CRAMP1: variants seen among roughly 807,000 people sequenced by gnomAD.
The protein encoded by CRAMP1 is cramped chromatin regulator 1.
CRAMP1 carries 50 observed loss-of-function variants against 115.4 expected under a neutral mutation model. The ratio of observed to expected loss-of-function variants is 0.43; its 90% CI spans 0.35 to 0.55. The LOEUF is 0.55. Ranked by LOEUF, CRAMP1 falls within the 20% of genes least tolerant of loss-of-function variation. The pLI, the probability that CRAMP1 is intolerant of heterozygous loss-of-function variation, is 0.01. For missense variants in CRAMP1, 1,679 were observed against 1,721.7 expected (o/e 0.98, Z 0.44); for synonymous variants, 866 against 745.4 (o/e 1.16, Z -2.64).
At position 1,623,062 on chromosome 16, in the gene CRAMP1, A is replaced by C. The variant is rs377424233; in HGVS notation, c.347-2911A>C. On this transcript the variant is annotated intron_variant, in intron 2 of 20. Transcript: ENST00000397412. Reference sequence around the variant, plus strand: ...CAGGCGCCCACCACCACGCCCGGTTAATTTTTGTATTTTTAGTAGAGACAG... The same window carrying C: ...CAGGCGCCCACCACCACGCCCGGTTCATTTTTGTATTTTTAGTAGAGACAG... Among the ~76,000 whole-genome samples the C allele has an allele frequency of 1.6e-4, 25 of 151,980 alleles. 1 individual carries two copies. In the East Asian group the frequency reaches 4.5e-3, roughly 27 times the overall value.
At position 1,637,810 on chromosome 16, in the gene CRAMP1, CTT is replaced by C. The variant is rs2142183026; in HGVS notation, c.695-13_695-12del. On this transcript the variant is annotated splice_polypyrimidine_tract_variant and intron_variant, in intron 4 of 20. Coordinates refer to ENST00000397412, the MANE Select transcript of CRAMP1 (RefSeq NM_020825.4). ...GTTCCCCTCTCTAAAGCCGCCTTCT[CTT>C]CTGTTTCTCAGTGTTCTCTCGAGGC... is the stretch of plus-strand genomic sequence containing the variant. The C allele has an allele frequency of 6.8e-7, 1 of 1,461,594 alleles. No individual in the cohort carries two copies. Among genetic ancestry groups the C allele is most frequent in the East Asian group, 2.5e-5 (1 of 39,282 alleles). The allele number at this position is 1,461,594 out of a possible 1,614,324, so 90.5% of individuals were successfully genotyped here.
chr16:1,657,612 T>G (rs1304431536), intron 10 of CRAMP1, among the ~76,000 whole-genome samples: 1 of 152,142 alleles, frequency 6.6e-6, no homozygotes, highest in African/African-American at 2.4e-5. Context: ...CGCAGCAGAA[T>G]AGTGGAGCTG....
chr16:1,614,653 TG>T lies in CRAMP1; in HGVS notation c.17del (p.Gly6AlafsTer141). 1 of 1,279,800 alleles carries T rather than the reference TG, an allele frequency of 7.8e-7. No homozygotes were observed. The allele number at this position is 1,279,800 out of a possible 1,614,324, so 79.3% of individuals were successfully genotyped here. A position where few individuals can be genotyped will look rare whatever the true frequency, so the allele number is the denominator to read the frequency against. MTVK[L>X]GDGGSGEDGL... ...CCCGGCCGCAGGATGACAGTGAAGTTGGGCGACGGCGGCAGCGGGGAGGACG... is the reference window on the plus strand; with the variant it reads ...CCCGGCCGCAGGATGACAGTGAAGTTGGCGACGGCGGCAGCGGGGAGGACG... On this transcript the variant is annotated frameshift_variant, in exon 2 of 21. Coordinates refer to ENST00000397412, the MANE Select transcript of CRAMP1 (RefSeq NM_020825.4). LOFTEE classifies it high-confidence loss of function. This position sits in a 1 kb window ranked among gnomAD's most constrained non-coding sequence, Gnocchi z 4.4.
rs544240921 is a variant in CRAMP1, at chr16:1,671,453, T to C, written c.3645+644T>C. On this transcript the variant is annotated intron_variant, in intron 20 of 20. Transcript: ENST00000397412. This position sits in a 1 kb window ranked among gnomAD's most constrained non-coding sequence, Gnocchi z 5.0. ...CCATCTGGTTGTAGCCCTCAAGGCGTCCACCACATGGTTTGTGTGGCATTC... is the reference window on the plus strand; with the variant it reads ...CCATCTGGTTGTAGCCCTCAAGGCGCCCACCACATGGTTTGTGTGGCATTC... Among the ~76,000 whole-genome samples the C allele has an allele frequency of 2.0e-4, 30 of 152,338 alleles. No individual in the cohort carries two copies. The highest frequency in any genetic ancestry group is 6.5e-4 in the Admixed American group (10 of 15,308).
intron 17 of CRAMP1, among the ~76,000 whole-genome samples, 178 bp downstream of exon 17, chr16:1,667,578 C>T (rs1046761240): frequency 6.6e-6 from 1 of 152,172 alleles, no homozygotes; most frequent in Non-Finnish European, 1.5e-5. Context: ...ATATGGCTGT[C>T]CGCCACCTCA....
In CRAMP1 at chr16:1,669,207, G is replaced by T. The variant is rs759503869; in HGVS notation, c.3499+42G>T. 11 of 1,481,214 alleles carry T rather than the reference G, an allele frequency of 7.4e-6. No homozygotes were observed. Among genetic ancestry groups the T allele is most frequent in the Admixed American group, 4.8e-5 (2 of 42,048 alleles). 91.8% of individuals were successfully genotyped at this position (1,481,214 alleles called of 1,614,324 possible). On this transcript the variant is annotated intron_variant, in intron 19 of 20. Coordinates refer to ENST00000397412, the MANE Select transcript of CRAMP1 (RefSeq NM_020825.4). This position sits in a 1 kb window ranked among gnomAD's most constrained non-coding sequence, Gnocchi z 4.6. ...GGCTCCCATCTCCTTTTCCAGGGCA[G>T]CAGGGGCTGGGGTCTGCGGGACACT... is the stretch of plus-strand genomic sequence containing the variant.
At chr16:1,616,857 C>T (rs2036424713) in intron 2 of CRAMP1, among the ~76,000 whole-genome samples, 1 of 151,760 alleles carries the variant, frequency 6.6e-6, no homozygotes, top group African/African-American at 2.4e-5. Flanking sequence ...CTCTGTCACC[C>T]AGGCTGGAGT....
chr16:1,634,037 A>G (rs1596485795), intron 4 of CRAMP1, among the ~76,000 whole-genome samples: 1 of 152,118 alleles, frequency 6.6e-6, no homozygotes, highest in Non-Finnish European at 1.5e-5. Context: ...AAAAAAAAAA[A>G]AAGAAAGAAA....
At chr16:1,612,861 C>A (rs1438868784) in intron 1 of CRAMP1, among the ~76,000 whole-genome samples, 1 of 152,092 alleles carries the variant, frequency 6.6e-6, no homozygotes, top group African/African-American at 2.4e-5. Flanking sequence ...GACTGCGCCT[C>A]CGAGAAAAGT....
chr16:1,637,998 C>CT lies in CRAMP1; in HGVS notation c.778+92dup, dbSNP rs1413772394. 2.0e-5 allele frequency: 12 copies of CT among 585,656 alleles called. No homozygotes were observed. In the East Asian group the frequency reaches 3.1e-4, roughly 15 times the overall value. The allele number at this position is 585,656 out of a possible 1,614,324, so 36.3% of individuals were successfully genotyped here. A position where few individuals can be genotyped will look rare whatever the true frequency, so the allele number is the denominator to read the frequency against. On this transcript the variant is annotated intron_variant, in intron 5 of 20. Transcript: ENST00000397412. The stretch of plus-strand genomic sequence containing the variant: ...GCTCAGAGTTGTTTCTAGTTTCCCT[C>CT]TAACTTTTATCTTGAAAAAATTTTA...
intron 4 of CRAMP1, among the ~76,000 whole-genome samples, chr16:1,636,335 C>T (rs1177965799): frequency 6.6e-6 from 1 of 151,126 alleles, no homozygotes; most frequent in Non-Finnish European, 1.5e-5. Context: ...CGCGTCACCG[C>T]ACTCCAGCCT....
At chr16:1,668,894 G>C (rs1323886445) in intron 18 of CRAMP1, 107 bp from the exon 19 acceptor site, 3 of 1,031,004 alleles carry the variant, frequency 2.9e-6, no homozygotes, top group Non-Finnish European at 4.4e-6. Context: ...GGTTCAGCAG[G>C]GTAGAGCCCT....
rs1246062493 is a variant in CRAMP1 at position 1,649,071 on chromosome 16, A to G, written c.828-3425A>G. ...AAGACTCCATCTAAAAAAAAAAAAA[A>G]GAAGTTTGTCTCAGTACAACATGTT... On this transcript the variant is annotated intron_variant, in intron 6 of 20. Coordinates refer to ENST00000397412, the MANE Select transcript of CRAMP1 (RefSeq NM_020825.4). 2.0e-5 allele frequency among the ~76,000 whole-genome samples: 3 copies of G among 151,960 alleles called. No individual in the cohort carries two copies. The East Asian group carries it at 5.8e-4, about 29-fold the overall frequency.
At chr16:1,661,508 C>T (rs1369682179) in intron 11 of CRAMP1, among the ~76,000 whole-genome samples, 1 of 124,920 alleles carries the variant, frequency 8.0e-6, no homozygotes, top group Non-Finnish European at 1.7e-5. Flanking sequence ...CGGAGGGGGC[C>T]GGGTGAGGGG....
At chr16:1,655,453 G>T (rs918510148) in intron 9 of CRAMP1, among the ~76,000 whole-genome samples, 153 bp downstream of exon 9, 2 of 152,218 alleles carry the variant, frequency 1.3e-5, no homozygotes, top group African/African-American at 4.8e-5. Flanking sequence ...ATAACCTGGA[G>T]CCCCTTATTC....
rs1457519003 is a variant in CRAMP1 at position 1,667,335 on chromosome 16, G to A, written c.3037G>A (p.Gly1013Ser). 3 of 1,613,052 alleles carry A rather than the reference G, an allele frequency of 1.9e-6. No homozygotes were observed. The highest frequency in any genetic ancestry group is 1.7e-5 in the Admixed American group (1 of 60,016). Reference sequence around the variant, plus strand: ...GCTCATGGGCGTGCTCTTCCTGCAGGGCTCCGACCCATTTGTCAGCATCCC... The same window carrying A: ...GCTCATGGGCGTGCTCTTCCTGCAGAGCTCCGACCCATTTGTCAGCATCCC... ...QDGDTLPTVG[G>S]SDPFVSIPSR... Residue 1013 changes from glycine (G) to serine (S), a missense_variant and splice_region_variant, in exon 17 of 21, where the codon GGC becomes AGC. Coordinates refer to ENST00000397412, the MANE Select transcript of CRAMP1 (RefSeq NM_020825.4).
At chr16:1,619,637 A>G (rs957482576) in intron 2 of CRAMP1, among the ~76,000 whole-genome samples, 2 of 152,222 alleles carry the variant, frequency 1.3e-5, no homozygotes, top group Admixed American at 6.5e-5. Context: ...GCTTTTATAC[A>G]AACAGTGGAG....
chr16:1,618,723 G>C (rs2036441570), intron 2 of CRAMP1, among the ~76,000 whole-genome samples: 2 of 152,144 alleles, frequency 1.3e-5, no homozygotes, highest in South Asian at 2.1e-4. Context: ...GTTTCAAAAA[G>C]ATGTCTCATA....
chr16:1,635,276 A>C (rs2142180952), intron 4 of CRAMP1, among the ~76,000 whole-genome samples: 1 of 152,306 alleles, frequency 6.6e-6, no homozygotes, highest in South Asian at 2.1e-4. Flanking sequence ...CGTGAGACAC[A>C]GAGTGGTGGC....
Sources: gnomAD v4.1 joint callset for allele counts (sites outside exome capture counted in the v4.1 genomes callset) on GRCh38, gnomAD v4.1.1 for gene constraint, Gnocchi (gnomAD v3.1) non-coding constraint, MANE v1.5 for transcripts, NCBI Gene and HGNC (gene_info 2026-07-23, HGNC 2026-07-21) for gene names.